PCDHGA4: variants seen among roughly 807,000 people sequenced by gnomAD.
The protein encoded by PCDHGA4 is protocadherin gamma subfamily A, 4, also known as protocadherin gamma-A4.
In PCDHGA4, 38 loss-of-function variants were observed where a neutral mutation model predicts 54.6. The ratio of observed to expected loss-of-function variants is 0.70; its 90% confidence interval spans 0.54 to 0.91. The LOEUF (loss-of-function observed/expected upper bound fraction) is 0.91, where lower values mean the gene tolerates loss of function less well. Ranked by LOEUF, PCDHGA4 falls within the 40% of genes least tolerant of loss-of-function variation. The pLI, the probability that PCDHGA4 is intolerant of heterozygous loss-of-function variation, is 0.00. For missense variants in PCDHGA4, 1,298 were observed against 1,220.9 expected, an observed-to-expected ratio of 1.06 and a Z score of -0.94; for synonymous variants, 511 against 512.9, an observed-to-expected ratio of 1.00 and a Z score of 0.05.
rs144222319 is a variant in PCDHGA4, at chr5:141,505,519, C to T, written c.2662+38C>T. ...AGTGTGTGTATGGAAGAGTGGGAGACCTGGGGTTCTGGGGTGCATCTCACA... is the reference window on the plus strand; with the variant it reads ...AGTGTGTGTATGGAAGAGTGGGAGATCTGGGGTTCTGGGGTGCATCTCACA... On this transcript the variant is annotated intron_variant, in intron 3 of 3. Coordinates refer to ENST00000571252, the MANE Select transcript of PCDHGA4 (RefSeq NM_018917.4). The T allele has an allele frequency of 1.5e-3, 2,491 of 1,613,690 alleles. 3 individuals carry two copies. The highest frequency in any genetic ancestry group is 2.6e-3 in the Middle Eastern group (16 of 6,060).
intron 3 of PCDHGA4, among the ~76,000 whole-genome samples, chr5:141,509,791 C>T (rs2099878284): frequency 6.6e-6 from 1 of 152,164 alleles, no homozygotes; most frequent in Non-Finnish European, 1.5e-5. Flanking sequence ...TCATCATCTC[C>T]TCAGCTTCAT....
chr5:141,423,195 G>C, intron 1 of PCDHGA4: 14 of 1,613,544 alleles, frequency 8.7e-6, no homozygotes, highest in Non-Finnish European at 1.2e-5. Flanking sequence ...CCCCTCTCTC[G>C]GCCACCGTCA....
rs771447398 is a variant in PCDHGA4 at position 141,356,654 on chromosome 5, C to T, written c.1547C>T (p.Ala516Val). 2 of 1,614,016 alleles carry T rather than the reference C, an allele frequency of 1.2e-6. No individual in the cohort carries two copies. Among genetic ancestry groups the T allele is most frequent in the Non-Finnish European group, 1.7e-6 (2 of 1,179,918 alleles). The change falls in exon 1 of 4, where the codon GCC becomes GTC. Residue 516 changes from alanine to valine, a missense_variant. Ala to Val is a moderately conservative substitution (Grantham distance 64). Coordinates refer to ENST00000571252, the MANE Select transcript of PCDHGA4 (RefSeq NM_018917.4). ...TAQDPDSGDN[A>V]RITYSLAEDT... Reference sequence around the variant, plus strand: ...CAAGACCCTGACAGTGGTGACAATGCCCGAATCACTTACTCCCTGGCCGAA... The same window carrying T: ...CAAGACCCTGACAGTGGTGACAATGTCCGAATCACTTACTCCCTGGCCGAA...
intron 1 of PCDHGA4, among the ~76,000 whole-genome samples, chr5:141,482,141 A>C (rs1302783884): frequency 6.6e-6 from 1 of 152,116 alleles, no homozygotes; most frequent in African/African-American, 2.4e-5. Flanking sequence ...GCTGGCATAA[A>C]AAGGTCAAGT....
chr5:141,507,937 A>T (rs2154594220), intron 3 of PCDHGA4: 1 of 152,420 alleles, frequency 6.6e-6, no homozygotes, highest in Admixed American at 6.5e-5. Context: ...AGAGGGGTTA[A>T]GTAAGAGGGA....
intron 1 of PCDHGA4, chr5:141,415,950 A>G (rs996935488): frequency 4.0e-6 from 2 of 498,646 alleles, no homozygotes; most frequent in Non-Finnish European, 6.1e-6. Flanking sequence ...GGGTGGTCAC[A>G]TATTGAAACT....
chr5:141,434,106 T>C (rs1195019110), intron 1 of PCDHGA4, among the ~76,000 whole-genome samples: 1 of 152,236 alleles, frequency 6.6e-6, no homozygotes, highest in Non-Finnish European at 1.5e-5. Context: ...TGTCCCAGGA[T>C]TGGCCTTTGG....
chr5:141,393,635 C>A (rs370544677), intron 1 of PCDHGA4: 1 of 1,613,750 alleles, frequency 6.2e-7, no homozygotes, highest in African/African-American at 1.3e-5. Context: ...AGGGAATCAA[C>A]GGAAAAGTGG....
intron 1 of PCDHGA4, chr5:141,421,308 C>T: frequency 6.2e-7 from 1 of 1,613,678 alleles, no homozygotes; most frequent in Non-Finnish European, 8.5e-7. Flanking sequence ...TGCGGGGGTT[C>T]CGGGCCAGGC....
chr5:141,360,004 CA>C (rs1761388833), intron 1 of PCDHGA4: 1 of 1,185,444 alleles, frequency 8.4e-7, no homozygotes, highest in African/African-American at 1.5e-5. Flanking sequence ...CTGCACAAAC[CA>C]ACCACACAGA....
Position 141,476,758 on chromosome 5 carries a change from G to A in PCDHGA4, c.2515-18049G>A. On this transcript the variant is annotated intron_variant, in intron 1 of 3. Transcript: ENST00000571252. The surrounding 1 kb of genome is among the most constrained non-coding windows in gnomAD (Gnocchi z 7.6). Reference sequence around the variant, plus strand: ...GGGAGCCTAGTCTCCAGTTAGTGCTGACGGCGTTGGACGGAGGGACCCCAG... The same window carrying A: ...GGGAGCCTAGTCTCCAGTTAGTGCTAACGGCGTTGGACGGAGGGACCCCAG... 1 of 1,613,868 alleles carries A rather than the reference G, an allele frequency of 6.2e-7. No homozygotes were observed. The highest frequency in any genetic ancestry group is 1.1e-5 in the South Asian group (1 of 91,086).
intron 1 of PCDHGA4, among the ~76,000 whole-genome samples, chr5:141,455,138 TTAAA>T (rs1193499111): frequency 1.3e-5 from 2 of 151,028 alleles, no homozygotes; most frequent in Admixed American, 1.3e-4. Context: ...TTACACTGTG[TTAAA>T]TAAATATTAG....
chr5:141,477,212 C>CCTCT lies in PCDHGA4; in HGVS notation c.2515-17594_2515-17591dup. 6.2e-7 allele frequency: 1 copy of CCTCT among 1,614,166 alleles called. No homozygotes were observed. The highest frequency in any genetic ancestry group is 8.5e-7 in the Non-Finnish European group (1 of 1,180,042). The stretch of plus-strand genomic sequence containing the variant: ...GTACAGCCCAGTACCCGAGGATGCC[C>CCTCT]CTCTGGGGACTGTCATCGCTTTGCT... On this transcript the variant is annotated intron_variant, in intron 1 of 3. Coordinates refer to ENST00000571252, the MANE Select transcript of PCDHGA4 (RefSeq NM_018917.4). This position sits in a 1 kb window ranked among gnomAD's most constrained non-coding sequence, Gnocchi z 4.9.
chr5:141,448,464 T>C lies in PCDHGA4; in HGVS notation c.2515-46343T>C, dbSNP rs186054602. Among the ~76,000 whole-genome samples the C allele has an allele frequency of 2.6e-3, 402 of 152,296 alleles. 10 individuals are homozygous for C. The highest frequency in any genetic ancestry group is 0.023 in the Admixed American group (357 of 15,282). ...CTGACTTCCATCCCTATCCTACTCCTATTCCACCCTTGCTTCCTCCTGTCC... is the reference window on the plus strand; with the variant it reads ...CTGACTTCCATCCCTATCCTACTCCCATTCCACCCTTGCTTCCTCCTGTCC... On this transcript the variant is annotated intron_variant, in intron 1 of 3. Transcript: ENST00000571252.
At chr5:141,478,723 A>C in intron 1 of PCDHGA4, 16 of 1,543,220 alleles carry the variant, frequency 1.0e-5, no homozygotes, top group Non-Finnish European at 1.3e-5. Flanking sequence ...GTGGCCTGCC[A>C]GAGTGTGGTT....
chr5:141,389,339 C>G, intron 1 of PCDHGA4: 2 of 1,614,010 alleles, frequency 1.2e-6, no homozygotes, highest in Middle Eastern at 1.6e-4. Flanking sequence ...ACGGCCAAGT[C>G]TCTTACTGCA....
At chr5:141,409,972 G>A in intron 1 of PCDHGA4, 1 of 1,613,374 alleles carries the variant, frequency 6.2e-7, no homozygotes, top group South Asian at 1.1e-5. Context: ...TAGTGACTAA[G>A]GTGGTAGCGG....
chr5:141,357,665 C>A, intron 1 of PCDHGA4, 44 bp downstream of exon 1: 1 of 1,599,548 alleles, frequency 6.3e-7, no homozygotes, highest in Non-Finnish European at 8.5e-7. Flanking sequence ...GAAATATAGA[C>A]AAAGAGTTGT....
intron 1 of PCDHGA4, chr5:141,405,493 C>T: frequency 1.2e-6 from 1 of 841,642 alleles, no homozygotes; most frequent in Middle Eastern, 3.1e-4. Flanking sequence ...GATCTCGGCT[C>T]ATTGCAACCT....
Sources: gnomAD v4.1 joint callset for allele counts (sites outside exome capture counted in the v4.1 genomes callset) on GRCh38, gnomAD v4.1.1 for gene constraint, Gnocchi (gnomAD v3.1) non-coding constraint, MANE v1.5 for transcripts, NCBI Gene and HGNC (gene_info 2026-07-23, HGNC 2026-07-21) for gene names.